The following ZNF512 variants were observed in gnomAD, a reference collection of about 807,000 sequenced individuals.
The protein encoded by ZNF512 is zinc finger protein 512.
In ZNF512, 25 loss-of-function variants were observed where a neutral mutation model predicts 77.5. That is an observed-to-expected ratio of 0.32 (90% confidence interval 0.23 to 0.45). The LOEUF (loss-of-function observed/expected upper bound fraction) is 0.45. Among genes scored for constraint, ZNF512 ranks in the 20% least tolerant of loss-of-function variants. ZNF512 has a pLI of 1.00. For synonymous variants in ZNF512, 246 were observed against 239.9 expected (o/e 1.03, Z -0.24); for missense variants, 483 against 692.6 (o/e 0.70, Z 3.40).
At chr2:27,599,555 T>G in intron 3 of ZNF512, 28 bp from the exon 4 acceptor site, 1 of 1,571,298 alleles carries the variant, frequency 6.4e-7, no homozygotes. Flanking sequence ...GTGCTGAGTT[T>G]TTGTTTTGTT....
chr2:27,607,253 T>A (rs965649181), intron 9 of ZNF512, among the ~76,000 whole-genome samples: 1 of 152,144 alleles, frequency 6.6e-6, no homozygotes, highest in African/African-American at 2.4e-5. Context: ...AGTTTTATAG[T>A]TTTATGTTTT....
chr2:27,586,451 A>G (rs917944296), intron 2 of ZNF512, among the ~76,000 whole-genome samples: 1 of 152,062 alleles, frequency 6.6e-6, no homozygotes, highest in African/African-American at 2.4e-5. Flanking sequence ...GCTGGTCTTG[A>G]ACTCCTGAGC....
At chr2:27,605,245 G>A (rs1238731051) in intron 9 of ZNF512, among the ~76,000 whole-genome samples, 1 of 152,058 alleles carries the variant, frequency 6.6e-6, no homozygotes, top group Non-Finnish European at 1.5e-5. Flanking sequence ...CTTGAGCTCA[G>A]GAGTTCGAGA....
intron 1 of ZNF512, 33 bp from the exon 2 acceptor site, chr2:27,583,625 C>T (rs968208297): frequency 1.2e-6 from 2 of 1,613,294 alleles, no homozygotes; most frequent in Admixed American, 3.3e-5. Flanking sequence ...TCAGAGGTCC[C>T]TAGCACTCAC....
At chr2:27,585,051 A>G (rs1671269839) in intron 2 of ZNF512, among the ~76,000 whole-genome samples, 1 of 152,228 alleles carries the variant, frequency 6.6e-6, no homozygotes, top group Non-Finnish European at 1.5e-5. Context: ...TATGGTGGGA[A>G]CAATATACAG....
In ZNF512 at chr2:27,609,994, T is replaced by A. The variant is rs527455559; in HGVS notation, c.1131+1955T>A. Among the ~76,000 whole-genome samples, 4 of 151,840 alleles carry A rather than the reference T, an allele frequency of 2.6e-5. No individual in the cohort carries two copies. The South Asian group carries it at 8.3e-4, about 32-fold the overall frequency. On this transcript the variant is annotated intron_variant, in intron 10 of 13. Transcript: ENST00000355467. Reference sequence around the variant, plus strand: ...AGGCGGAGGTTGCAGTGAGCCAAGATCATGCCACTGCAATCTAGCCTGGGC... The same window carrying A: ...AGGCGGAGGTTGCAGTGAGCCAAGAACATGCCACTGCAATCTAGCCTGGGC...
At chr2:27,609,761 T>C (rs958838593) in intron 10 of ZNF512, among the ~76,000 whole-genome samples, 8 of 151,746 alleles carry the variant, frequency 5.3e-5, no homozygotes, top group African/African-American at 1.9e-4. Context: ...CCCAGCTGCT[T>C]GGGAGGCTGA....
intron 2 of ZNF512, among the ~76,000 whole-genome samples, chr2:27,592,196 G>T (rs1671615665): frequency 6.6e-6 from 1 of 152,118 alleles, no homozygotes; most frequent in African/African-American, 2.4e-5. Context: ...TTGCCATGTT[G>T]CCCAGGCTGT....
chr2:27,607,371 C>CTT (rs1194932049), intron 9 of ZNF512, among the ~76,000 whole-genome samples: 67 of 141,118 alleles, frequency 4.7e-4, no homozygotes, highest in African/African-American at 1.6e-3. Flanking sequence ...ACTAAGAGGC[C>CTT]TTTTTTTTTT....
At chr2:27,595,656 A>G (rs1344407448) in intron 2 of ZNF512, among the ~76,000 whole-genome samples, 2 of 152,168 alleles carry the variant, frequency 1.3e-5, no homozygotes, top group African/African-American at 4.8e-5. Flanking sequence ...ACGGTCTTCA[A>G]GTTCACAGAC....
chr2:27,608,666 G>T (rs1287534993), intron 10 of ZNF512, among the ~76,000 whole-genome samples: 2 of 152,076 alleles, frequency 1.3e-5, no homozygotes, highest in African/African-American at 4.8e-5. Flanking sequence ...AGAAGACAAG[G>T]ATATATGACT....
intron 13 of ZNF512, among the ~76,000 whole-genome samples, chr2:27,618,587 C>G (rs1672994854): frequency 1.3e-5 from 2 of 151,898 alleles, no homozygotes; most frequent in Admixed American, 1.3e-4. Flanking sequence ...GCACATAGTT[C>G]AGCAAAAGAA....
In ZNF512 at chr2:27,583,958, A is replaced by G. The variant is rs200098721; in HGVS notation, c.89+242A>G. Among the ~76,000 whole-genome samples, 13 of 152,308 alleles carry G rather than the reference A, an allele frequency of 8.5e-5. No individual in the cohort carries two copies. In the East Asian group the frequency reaches 1.9e-3, roughly 23 times the overall value. On this transcript the variant is annotated intron_variant, in intron 2 of 13. Coordinates refer to ENST00000355467, the MANE Select transcript of ZNF512 (RefSeq NM_032434.4). ...TGTGATTTTGTGGCCAGCGCTGTCC[A>G]GTGGAACTTCTTGTGACGAAAATGT... is the stretch of plus-strand genomic sequence containing the variant.
At chr2:27,609,708 A>C (rs1036894753) in intron 10 of ZNF512, among the ~76,000 whole-genome samples, 1 of 152,162 alleles carries the variant, frequency 6.6e-6, no homozygotes, top group African/African-American at 2.4e-5. Context: ...TTCTCTATTA[A>C]AAATACAAAA....
chr2:27,604,361 G>A (rs1361523416), intron 9 of ZNF512, among the ~76,000 whole-genome samples: 1 of 151,936 alleles, frequency 6.6e-6, no homozygotes, highest in African/African-American at 2.4e-5. Flanking sequence ...TTCCCACCCT[G>A]TGGTTTCTTT....
chr2:27,595,667 T>G (rs1278371197), intron 2 of ZNF512, among the ~76,000 whole-genome samples: 1 of 152,226 alleles, frequency 6.6e-6, no homozygotes, highest in Non-Finnish European at 1.5e-5. Context: ...GTTCACAGAC[T>G]CTTTCCTCTG....
intron 2 of ZNF512, among the ~76,000 whole-genome samples, chr2:27,585,695 G>A (rs1475460658): frequency 1.3e-5 from 2 of 152,172 alleles, no homozygotes; most frequent in Admixed American, 6.5e-5. Context: ...GAATGAGCTA[G>A]GGGCTCTTAA....
intron 2 of ZNF512, among the ~76,000 whole-genome samples, chr2:27,593,195 TACACACACACACACACAC>T (rs57568574): frequency 2.3e-3 from 263 of 112,136 alleles, no homozygotes; most frequent in African/African-American, 8.5e-3. Flanking sequence ...ACCCTGTCTC[TACACACACACACACACAC>T]ACACACACAC....
rs1459232134 is a variant in ZNF512 at position 27,611,903 on chromosome 2, G to C, written c.1132-3265G>C. 5.3e-5 allele frequency among the ~76,000 whole-genome samples: 8 copies of C among 152,158 alleles called. No homozygotes were observed. In the South Asian group the frequency reaches 1.7e-3, roughly 32 times the overall value. Reference sequence around the variant, plus strand: ...GGTAGAGACGGGGTTTCACCATATTGGCCAGGCTGGTCTCGAACTCCTGAT... The same window carrying C: ...GGTAGAGACGGGGTTTCACCATATTCGCCAGGCTGGTCTCGAACTCCTGAT... On this transcript the variant is annotated intron_variant, in intron 10 of 13. Transcript: ENST00000355467.
Sources: gnomAD v4.1 joint callset for allele counts (sites outside exome capture counted in the v4.1 genomes callset) on GRCh38, gnomAD v4.1.1 for gene constraint, MANE v1.5 for transcripts, NCBI Gene and HGNC (gene_info 2026-07-23, HGNC 2026-07-21) for gene names.